Variants in ULK4 observed in about 807,000 individuals in gnomAD.
ULK4 encodes the protein inactive serine/threonine-protein kinase ULK4.
In ULK4, 133 loss-of-function variants were observed where a neutral mutation model predicts 160.6. That is an observed-to-expected ratio of 0.83 (90% CI 0.72 to 0.96). ULK4 has a LOEUF of 0.96. Among genes scored for constraint, ULK4 ranks in the 40% least tolerant of loss-of-function variants. ULK4 has a pLI of 0.00. For synonymous variants in ULK4, 534 were observed against 539.8 expected, an observed-to-expected ratio of 0.99 and a Z score of 0.15; for missense variants, 1,580 against 1,499.5, an observed-to-expected ratio of 1.05 and a Z score of -0.89.
intron 35 of ULK4, among the ~76,000 whole-genome samples, chr3:41,279,064 G>A (rs554818537): frequency 4.5e-4 from 68 of 152,192 alleles, no homozygotes; most frequent in African/African-American, 1.6e-3. Context: ...AAGGTTACAT[G>A]AATGGCTAAC....
intron 31 of ULK4, among the ~76,000 whole-genome samples, chr3:41,585,207 A>C (rs951604931): frequency 1.3e-5 from 2 of 152,184 alleles, no homozygotes; most frequent in Non-Finnish European, 1.5e-5. Context: ...TAAAAAAGCC[A>C]AAAAATCTTG....
intron 34 of ULK4, among the ~76,000 whole-genome samples, chr3:41,442,768 G>T (rs1294155882): frequency 6.6e-6 from 1 of 151,922 alleles, no homozygotes; most frequent in East Asian, 1.9e-4. Flanking sequence ...CCTTATTGTT[G>T]ATTATAAATG....
chr3:41,705,916 T>C (rs1299526390), intron 25 of ULK4, among the ~76,000 whole-genome samples: 1 of 151,716 alleles, frequency 6.6e-6, no homozygotes, highest in Non-Finnish European at 1.5e-5. Flanking sequence ...CAGAAGAGAG[T>C]TCGAATGGCA....
intron 30 of ULK4, among the ~76,000 whole-genome samples, chr3:41,642,591 G>A (rs1176767063): frequency 6.6e-6 from 1 of 152,110 alleles, no homozygotes; most frequent in African/African-American, 2.4e-5. Flanking sequence ...CTCTACCATT[G>A]TTGGACATTT....
chr3:41,935,489 A>C (rs1699746154), intron 4 of ULK4, among the ~76,000 whole-genome samples: 1 of 151,584 alleles, frequency 6.6e-6, no homozygotes, highest in Admixed American at 6.6e-5. Flanking sequence ...TCAGCCTCCC[A>C]ATGTGATGGG....
At chr3:41,850,652 T>C (rs1220044167) in intron 17 of ULK4, among the ~76,000 whole-genome samples, 1 of 13,330 alleles carries the variant, frequency 7.5e-5, no homozygotes, top group Non-Finnish European at 1.2e-4. Flanking sequence ...CACTTTTTGA[T>C]GGGGTTGTTT....
chr3:41,840,594 T>C (rs111970583), intron 17 of ULK4, among the ~76,000 whole-genome samples: 11,263 of 152,320 alleles, frequency 0.074, 1,320 homozygotes, highest in African/African-American at 0.25. Flanking sequence ...CAGGCTGGTC[T>C]CCGGCTCCTG....
At chr3:41,791,015 A>G (rs1411883106) in intron 20 of ULK4, among the ~76,000 whole-genome samples, 1 of 152,236 alleles carries the variant, frequency 6.6e-6, no homozygotes, top group East Asian at 1.9e-4. Context: ...CAAATATAAA[A>G]CAAACTGTTA....
rs746086445 is a variant in ULK4 at position 41,480,209 on chromosome 3, A to G, written c.3227-16956T>C. Among the ~76,000 whole-genome samples, 140 of 61,840 alleles carry G rather than the reference A, an allele frequency of 2.3e-3. No homozygotes were observed. The East Asian group carries it at 0.034, about 15-fold the overall frequency. The allele number at this position is 61,840 out of a possible 152,430, so 40.6% of individuals were successfully genotyped here. ...GTGACAGAGCGAGACTCCGTATCAA[A>G]AAAAAAAAAAAAAAAAAAAAGTATC... On this transcript the variant is annotated intron_variant, in intron 32 of 36. Coordinates refer to ENST00000301831, the MANE Select transcript of ULK4 (RefSeq NM_017886.4).
rs551740042 is a variant in ULK4 at position 41,375,483 on chromosome 3, A to G, written c.3678+22596T>C. Among the ~76,000 whole-genome samples, 102 of 150,278 alleles carry G rather than the reference A, an allele frequency of 6.8e-4. 10 individuals carry two copies. Among genetic ancestry groups the G allele is most frequent in the African/African-American group, 2.4e-3 (98 of 40,282 alleles). ...GCCGCAGAAATAACACCATGTGTCT[A>G]CAACCATCTGATCTTTGACAAACCT... On this transcript the variant is annotated intron_variant, in intron 35 of 36. Transcript: ENST00000301831.
chr3:41,343,695 A>C (rs2080737328), intron 35 of ULK4, among the ~76,000 whole-genome samples: 2 of 152,208 alleles, frequency 1.3e-5, no homozygotes, highest in African/African-American at 4.8e-5. Flanking sequence ...TAGTATTCCT[A>C]TACACCAACA....
At chr3:41,427,213 G>A (rs1030472119) in intron 34 of ULK4, among the ~76,000 whole-genome samples, 1 of 152,124 alleles carries the variant, frequency 6.6e-6, no homozygotes, top group African/African-American at 2.4e-5. Context: ...ACTGAACCAG[G>A]AAGAAATTGA....
chr3:41,277,369 G>C (rs1336521765), intron 35 of ULK4, among the ~76,000 whole-genome samples: 3 of 152,156 alleles, frequency 2.0e-5, no homozygotes, highest in African/African-American at 7.2e-5. Flanking sequence ...CTAGCTATCT[G>C]AATCCAACAA....
intron 33 of ULK4, among the ~76,000 whole-genome samples, chr3:41,458,362 A>G (rs934774563): frequency 2.6e-5 from 4 of 152,160 alleles, no homozygotes; most frequent in African/African-American, 9.7e-5. Flanking sequence ...GTGTTTGGAG[A>G]GCACAGTAAG....
At chr3:41,822,875 C>G (rs2125633814) in intron 18 of ULK4, among the ~76,000 whole-genome samples, 1 of 152,054 alleles carries the variant, frequency 6.6e-6, no homozygotes, top group South Asian at 2.1e-4. Context: ...GCGCCCACCA[C>G]CACACCCGGC....
At chr3:41,665,535 T>C (rs2035324933) in intron 29 of ULK4, among the ~76,000 whole-genome samples, 1 of 152,180 alleles carries the variant, frequency 6.6e-6, no homozygotes, top group Non-Finnish European at 1.5e-5. Flanking sequence ...TCAGCAAATG[T>C]CACATTTTAG....
At chr3:41,700,265 G>A (rs548484250) in intron 27 of ULK4, among the ~76,000 whole-genome samples, 3 of 152,258 alleles carry the variant, frequency 2.0e-5, no homozygotes, top group South Asian at 2.1e-4. Flanking sequence ...GCATGGAGCT[G>A]ACTGCCCAGG....
chr3:41,554,124 T>C (rs142783232), intron 32 of ULK4, among the ~76,000 whole-genome samples: 2 of 152,242 alleles, frequency 1.3e-5, no homozygotes, highest in Non-Finnish European at 2.9e-5. Flanking sequence ...CGTAACATAA[T>C]AACCTGCAGT....
At chr3:41,522,299 T>A (rs938725830) in intron 32 of ULK4, among the ~76,000 whole-genome samples, 1 of 151,660 alleles carries the variant, frequency 6.6e-6, no homozygotes, top group Non-Finnish European at 1.5e-5. Flanking sequence ...GACATCACAC[T>A]CAGCTAATTT....
Sources: gnomAD v4.1 joint callset for allele counts (sites outside exome capture counted in the v4.1 genomes callset) on GRCh38, gnomAD v4.1.1 for gene constraint, MANE v1.5 for transcripts, NCBI Gene and HGNC (gene_info 2026-07-23, HGNC 2026-07-21) for gene names.